The following RNF17 variants were observed in gnomAD, a reference collection of about 807,000 sequenced individuals.
RNF17 encodes ring finger protein 17, also known as spermatogenesis associated 23.
RNF17 carries 31 observed loss-of-function variants against 200.5 expected under a neutral mutation model. That is an observed-to-expected ratio of 0.15 (90% CI 0.12 to 0.21). The LOEUF is 0.21. RNF17 is among the 10% of genes least tolerant of loss of function. RNF17 has a pLI of 1.00. For synonymous variants in RNF17, 606 were observed against 637.8 expected (o/e 0.95, Z 0.75); for missense variants, 1,628 against 1,905.1 (o/e 0.85, Z 2.71).
chr13:24,781,682 T>C (rs1476566320), intron 5 of RNF17, among the ~76,000 whole-genome samples, 162 bp from the exon 6 acceptor site: 2 of 152,178 alleles, frequency 1.3e-5, no homozygotes, highest in African/African-American at 4.8e-5. Context: ...ATAGTAAAAC[T>C]TAATGTTGAA....
rs532498900 is a variant in RNF17 at position 24,803,438 on chromosome 13, GC to G, written c.1950-849del. Reference sequence around the variant, plus strand: ...CTCAGCCTTCCCAGTAGCTGGAATTGCAGGCACACGCCACCACTCCCGGCTA... The same window carrying G: ...CTCAGCCTTCCCAGTAGCTGGAATTGAGGCACACGCCACCACTCCCGGCTA... On this transcript the variant is annotated intron_variant, in intron 14 of 35. Transcript: ENST00000255324. 4.6e-3 allele frequency among the ~76,000 whole-genome samples: 695 copies of G among 152,136 alleles called. 1 individual carries two copies. The highest frequency in any genetic ancestry group is 8.0e-3 in the Non-Finnish European group (547 of 67,974).
chr13:24,864,859 T>C lies in RNF17; in HGVS notation c.3976-14T>C. On this transcript the variant is annotated splice_polypyrimidine_tract_variant and intron_variant, in intron 28 of 35. Transcript: ENST00000255324. ...AGTTTATTTTTATGATTATCTTTAT[T>C]GAACTTTAAATAGGAGTTACCTAAA... The C allele has an allele frequency of 6.7e-7, 1 of 1,503,646 alleles. No individual in the cohort carries two copies. The highest frequency in any genetic ancestry group is 9.1e-7 in the Non-Finnish European group (1 of 1,098,088). The allele number at this position is 1,503,646 out of a possible 1,614,324, so 93.1% of individuals were successfully genotyped here.
intron 11 of RNF17, among the ~76,000 whole-genome samples, chr13:24,798,495 A>T (rs1884867112): frequency 6.6e-6 from 1 of 152,178 alleles, no homozygotes; most frequent in Non-Finnish European, 1.5e-5. Context: ...GAGATTACAC[A>T]GCATCTCTCT....
chr13:24,825,804 A>G (rs750004868), intron 16 of RNF17, 32 bp downstream of exon 16: 2 of 1,592,684 alleles, frequency 1.3e-6, no homozygotes, highest in Admixed American at 1.7e-5. Flanking sequence ...CTACAGGGAG[A>G]TGTCATACTT....
At chr13:24,827,718 C>CAAAAAAAAAAAAAAAAAAA (rs1250308715) in intron 16 of RNF17, among the ~76,000 whole-genome samples, 1 of 54,630 alleles carries the variant, frequency 1.8e-5, no homozygotes, top group Non-Finnish European at 3.0e-5. Context: ...AAAAAAAAAA[C>CAAAAAAAAAAAAAAAAAAA]AAAAAAAAAA....
intron 22 of RNF17, 30 bp from the exon 23 acceptor site, chr13:24,850,310 TA>T: frequency 7.2e-7 from 1 of 1,397,522 alleles, no homozygotes; most frequent in Non-Finnish European, 1.0e-6. Flanking sequence ...GCTATTTTTA[TA>T]AAACAAGTTG....
At chr13:24,806,259 A>C (rs917141640) in intron 15 of RNF17, among the ~76,000 whole-genome samples, 7 of 152,130 alleles carry the variant, frequency 4.6e-5, no homozygotes, top group African/African-American at 9.7e-5. Context: ...TATCCAGTCT[A>C]TCATTGATGG....
rs566741767 is a variant in RNF17, at chr13:24,863,010, A to G, written c.3975+217A>G. 2.4e-4 allele frequency among the ~76,000 whole-genome samples: 36 copies of G among 152,332 alleles called. 1 individual carries two copies. In the South Asian group the frequency reaches 6.4e-3, roughly 27 times the overall value. On this transcript the variant is annotated intron_variant, in intron 28 of 35. Transcript: ENST00000255324. ...GAGAACTTTCATAACCATTAAAGTC[A>G]CTAATTTGAAAGATTCTTTATTAAC...
At position 24,804,341 on chromosome 13, in the gene RNF17, A is replaced by G; in HGVS notation, c.2003A>G (p.Tyr668Cys). 1.9e-6 allele frequency: 3 copies of G among 1,611,510 alleles called. No homozygotes were observed. The highest frequency in any genetic ancestry group is 1.1e-5 in the South Asian group (1 of 91,012). ...SHFEKNTTLH[Y>C]HPPILPKEMT... is the part of the protein sequence containing the mutation. ...TTTGAAAAAAATACTACTTTACACT[A>G]TCATCCACCTATTTTGCCTAAAGAA... The change falls in exon 15 of 36, where the codon TAT becomes TGT. Residue 668 changes from tyrosine to cysteine, a missense_variant. Physicochemically the swap from Tyr to Cys is radical, Grantham distance 194 (BLOSUM62 -2). Transcript: ENST00000255324.
intron 16 of RNF17, among the ~76,000 whole-genome samples, chr13:24,828,480 G>A (rs919759995): frequency 1.8e-4 from 28 of 151,954 alleles, no homozygotes; most frequent in African/African-American, 6.3e-4. Flanking sequence ...CAGCTGTTTC[G>A]TTGTTTACTT....
chr13:24,759,821 G>C (rs1283507458), upstream of RNF17, among the ~76,000 whole-genome samples: 2 of 152,192 alleles, frequency 1.3e-5, no homozygotes, highest in Non-Finnish European at 2.9e-5. Flanking sequence ...TTGTGTCTCA[G>C]ACCCAAGATT....
intron 14 of RNF17, chr13:24,803,863 G>C (rs893162773): frequency 1.2e-5 from 2 of 166,074 alleles, no homozygotes; most frequent in African/African-American, 4.8e-5. Flanking sequence ...GATAATTGAA[G>C]ACAATACCAA....
intron 15 of RNF17, among the ~76,000 whole-genome samples, chr13:24,812,106 C>T (rs1026825005): frequency 6.8e-6 from 1 of 147,996 alleles, no homozygotes; most frequent in African/African-American, 2.4e-5. Context: ...TTTGTCTGTG[C>T]CCTGCCCCCA....
intron 2 of RNF17, among the ~76,000 whole-genome samples, chr13:24,768,027 T>TC (rs998617255): frequency 9.9e-5 from 15 of 151,590 alleles, no homozygotes; most frequent in South Asian, 2.1e-4. Context: ...CATTTTGAAC[T>TC]CCCCCCCTGC....
At chr13:24,772,756 G>A (rs542801583) in intron 2 of RNF17, among the ~76,000 whole-genome samples, 4 of 151,934 alleles carry the variant, frequency 2.6e-5, no homozygotes, top group South Asian at 2.1e-4. Flanking sequence ...GACTACAGGC[G>A]TCCACCACCA....
downstream of RNF17, chr13:24,882,946 C>A: frequency 3.8e-6 from 2 of 524,680 alleles, no homozygotes; most frequent in South Asian, 4.2e-5. Context: ...AATTTCTAAA[C>A]AGTCAAAATG....
At chr13:24,770,035 T>G (rs1232575460) in intron 2 of RNF17, among the ~76,000 whole-genome samples, 1 of 152,182 alleles carries the variant, frequency 6.6e-6, no homozygotes, top group Non-Finnish European at 1.5e-5. Context: ...TATTAACTTT[T>G]GGACCTGAGT....
intron 33 of RNF17, among the ~76,000 whole-genome samples, chr13:24,875,063 C>A (rs1282645575): frequency 6.6e-6 from 1 of 152,014 alleles, no homozygotes; most frequent in Non-Finnish European, 1.5e-5. Flanking sequence ...TATGAGGGGT[C>A]TTCAAAAAGT....
the RNF17 span, among the ~76,000 whole-genome samples, chr13:24,754,150 T>G: frequency 6.7e-6 from 1 of 149,572 alleles, no homozygotes; most frequent in Non-Finnish European, 1.5e-5. Flanking sequence ...AGAGCCAGAC[T>G]GTCTCAAAAA....
Sources: allele counts gnomAD v4.1 joint callset (sites outside exome capture counted in the v4.1 genomes callset), GRCh38; gene constraint gnomAD v4.1.1; transcripts MANE v1.5; gene names NCBI Gene and HGNC (gene_info 2026-07-23, HGNC 2026-07-21).